Variants in PARL observed in about 807,000 individuals in gnomAD.
The protein encoded by PARL is presenilin-associated rhomboid-like protein, mitochondrial.
PARL carries 44 observed loss-of-function variants against 51.6 expected under a neutral mutation model. The ratio of observed to expected loss-of-function variants is 0.85; its 90% CI spans 0.67 to 1.10. PARL has a LOEUF of 1.10. Ranked by LOEUF, PARL falls within the 50% of genes least tolerant of loss-of-function variation. The probability of loss-of-function intolerance (pLI) is 0.00; values close to 1 mark genes in which losing one functional copy is unlikely to be tolerated. For missense variants in PARL, 441 were observed against 469.5 expected, an observed-to-expected ratio of 0.94 and a Z score of 0.56; for synonymous variants, 172 against 164.0, an observed-to-expected ratio of 1.05 and a Z score of -0.37.
At chr3:183,858,329 A>AAATGAAAAAG (rs1261782203) in intron 4 of PARL, among the ~76,000 whole-genome samples, 2 of 152,220 alleles carry the variant, frequency 1.3e-5, no homozygotes, top group African/African-American at 4.8e-5. Context: ...GAGAGAACTG[A>AAATGAAAAAG]AATGAAAAAG....
chr3:183,864,853 C>T (rs1369397070), intron 3 of PARL, among the ~76,000 whole-genome samples: 1 of 148,898 alleles, frequency 6.7e-6, no homozygotes, highest in African/African-American at 2.5e-5. Context: ...AGAAAGAGGG[C>T]CATCGACTTG....
At chr3:183,841,983 T>C (rs1323587835) in intron 6 of PARL, among the ~76,000 whole-genome samples, 2 of 152,152 alleles carry the variant, frequency 1.3e-5, no homozygotes, top group Non-Finnish European at 2.9e-5. Context: ...CCTAAACTAA[T>C]GAAATCAAGG....
chr3:183,861,735 C>T (rs1381036163), intron 4 of PARL, among the ~76,000 whole-genome samples: 2 of 152,136 alleles, frequency 1.3e-5, no homozygotes, highest in Non-Finnish European at 2.9e-5. Flanking sequence ...TTGCAATTCT[C>T]TAGAAATAAT....
Position 183,833,499 on chromosome 3 carries a change from A to G in PARL, c.1021T>C (p.Phe341Leu). ...DHAAHLGGAL[F>L]GIWYVTYGHE... ...AATTACACTCAAACTTACATTCCAA[A>G]AAGAGCTCCCCCAAGATGTGCCGCA... Residue 341 changes from phenylalanine to leucine, a missense_variant, in exon 9 of 10, where the codon TTT (phenylalanine) becomes CTT (leucine). Physicochemically the swap from Phe to Leu is conservative, Grantham distance 22. Coordinates refer to ENST00000317096, the MANE Select transcript of PARL (RefSeq NM_018622.7). The G allele has an allele frequency of 6.2e-7, 1 of 1,604,790 alleles. No individual in the cohort carries two copies. Among genetic ancestry groups the G allele is most frequent in the South Asian group, 1.1e-5 (1 of 90,910 alleles).
intron 4 of PARL, among the ~76,000 whole-genome samples, chr3:183,858,657 A>G (rs567403642): frequency 2.6e-5 from 4 of 152,308 alleles, no homozygotes; most frequent in African/African-American, 9.6e-5. Context: ...GAAAGCTAGA[A>G]AGGGAGGAGA....
chr3:183,873,129 T>C (rs1310346180), intron 1 of PARL, among the ~76,000 whole-genome samples: 1 of 152,186 alleles, frequency 6.6e-6, no homozygotes, highest in African/African-American at 2.4e-5. Context: ...AAAGTCGCAA[T>C]TAATTAATCA....
chr3:183,844,470 A>G (rs1215574219), intron 4 of PARL, 144 bp from the exon 5 acceptor site: 9 of 651,118 alleles, frequency 1.4e-5, no homozygotes, highest in Non-Finnish European at 2.5e-5. Flanking sequence ...AAAAAAAGCA[A>G]GTGAAATGAA....
At chr3:183,847,539 G>A (rs1444007171) in intron 4 of PARL, among the ~76,000 whole-genome samples, 1 of 151,878 alleles carries the variant, frequency 6.6e-6, no homozygotes, top group Non-Finnish European at 1.5e-5. Context: ...ACTCCAGTCT[G>A]GGCGACAGAG....
At chr3:183,855,122 T>C (rs775170041) in intron 4 of PARL, among the ~76,000 whole-genome samples, 4 of 151,704 alleles carry the variant, frequency 2.6e-5, no homozygotes, top group Non-Finnish European at 4.4e-5. Context: ...AGCAGGTTGA[T>C]GGCTGCCTAA....
At chr3:183,863,712 TAC>T (rs1419882785) in intron 3 of PARL, among the ~76,000 whole-genome samples, 1 of 152,124 alleles carries the variant, frequency 6.6e-6, no homozygotes, top group Non-Finnish European at 1.5e-5. Context: ...GTGCTGGGAT[TAC>T]AGATATGAGC....
chr3:183,835,587 C>A (rs1728475791), intron 7 of PARL, among the ~76,000 whole-genome samples: 1 of 152,180 alleles, frequency 6.6e-6, no homozygotes, highest in African/African-American at 2.4e-5. Context: ...ATAATTGTAG[C>A]CGGGCACGGT....
chr3:183,834,807 G>A (rs1423944741), intron 7 of PARL, among the ~76,000 whole-genome samples: 4 of 150,716 alleles, frequency 2.7e-5, no homozygotes, highest in East Asian at 1.9e-4. Context: ...TTTGGAGGCC[G>A]AGGCAGGTGG....
intron 1 of PARL, among the ~76,000 whole-genome samples, chr3:183,874,611 G>A (rs1273058737): frequency 6.6e-6 from 1 of 152,074 alleles, no homozygotes; most frequent in East Asian, 1.9e-4. Context: ...GTTTCGCCAT[G>A]TTGGCCAGGC....
At chr3:183,880,396 TCA>T (rs1419955180) in intron 1 of PARL, among the ~76,000 whole-genome samples, 1 of 151,962 alleles carries the variant, frequency 6.6e-6, no homozygotes, top group Non-Finnish European at 1.5e-5. Flanking sequence ...CAGTTATAGT[TCA>T]GTTTTTTTTT....
chr3:183,865,942 C>A (rs1560417331), intron 3 of PARL, among the ~76,000 whole-genome samples: 1 of 151,114 alleles, frequency 6.6e-6, no homozygotes, highest in Non-Finnish European at 1.5e-5. Context: ...TGCAGTGGCA[C>A]AATCTCGTCT....
intron 1 of PARL, among the ~76,000 whole-genome samples, chr3:183,868,392 T>TC (rs1287633562): frequency 7.0e-6 from 1 of 143,696 alleles, no homozygotes; most frequent in African/African-American, 2.6e-5. Flanking sequence ...TGTCCGTTTC[T>TC]TTTTTTTTTT....
At chr3:183,834,285 T>C (rs1728295904) in intron 7 of PARL, among the ~76,000 whole-genome samples, 1 of 152,254 alleles carries the variant, frequency 6.6e-6, no homozygotes, top group Admixed American at 6.5e-5. Context: ...GCCAGTGTGG[T>C]GGCTCACGCC....
At chr3:183,881,778 C>T (rs74914084) in intron 1 of PARL, among the ~76,000 whole-genome samples, 1 of 151,914 alleles carries the variant, frequency 6.6e-6, no homozygotes, top group African/African-American at 2.4e-5. Flanking sequence ...AGATACTGGG[C>T]GGGAGGATGG....
intron 1 of PARL, among the ~76,000 whole-genome samples, chr3:183,881,173 GT>G (rs1734395341): frequency 6.8e-6 from 1 of 146,926 alleles, no homozygotes; most frequent in Non-Finnish European, 1.5e-5. Context: ...CCAGGCTGGA[GT>G]ACAGTGATGC....
Sources: gnomAD v4.1 joint callset for allele counts (sites outside exome capture counted in the v4.1 genomes callset) on GRCh38, gnomAD v4.1.1 for gene constraint, MANE v1.5 for transcripts, NCBI Gene and HGNC (gene_info 2026-07-23, HGNC 2026-07-21) for gene names.